Variants in CSTPP1 observed in about 807,000 individuals in gnomAD.
The protein encoded by CSTPP1 is UPF0705 protein C11orf49.
At chr11:47,016,912 G>A in the CSTPP1 span, among the ~76,000 whole-genome samples, 2 of 133,844 alleles carry the variant, frequency 1.5e-5, no homozygotes, top group Non-Finnish European at 3.0e-5. Context: ...GCCCAATCTC[G>A]GCTCACTGCA....
chr11:47,029,466 G>A, the CSTPP1 span, among the ~76,000 whole-genome samples: 92 of 151,942 alleles, frequency 6.1e-4, no homozygotes, highest in African/African-American at 2.1e-3. Context: ...AAAATTAGCC[G>A]GGCATGGTGG....
chr11:47,112,453 CT>C, the CSTPP1 span, among the ~76,000 whole-genome samples: 2 of 152,096 alleles, frequency 1.3e-5, no homozygotes, highest in African/African-American at 4.8e-5. Flanking sequence ...TCCTGAGTAG[CT>C]GGGATTACAG....
chr11:47,100,752 T>C, the CSTPP1 span, among the ~76,000 whole-genome samples: 1 of 152,206 alleles, frequency 6.6e-6, no homozygotes, highest in East Asian at 1.9e-4. Flanking sequence ...ATTGTGCCAC[T>C]GTACTCCAGC....
the CSTPP1 span, chr11:47,137,200 C>T: frequency 8.3e-6 from 9 of 1,085,704 alleles, no homozygotes; most frequent in Middle Eastern, 2.3e-4. Context: ...AGACTGTTTG[C>T]GTTAGTACTG....
At chr11:47,134,941 T>C in the CSTPP1 span, among the ~76,000 whole-genome samples, 24 of 152,012 alleles carry the variant, frequency 1.6e-4, no homozygotes, top group Admixed American at 3.3e-4. Flanking sequence ...AGACCCCGTC[T>C]CTACAAAAAT....
chr11:47,038,004 G>A, the CSTPP1 span, among the ~76,000 whole-genome samples: 15 of 120,004 alleles, frequency 1.2e-4, no homozygotes, highest in Middle Eastern at 5.0e-3. Flanking sequence ...TCCTGGACGG[G>A]GCGGCTGGCC....
At chr11:47,138,979 C>CAAAAAAAAAA in the CSTPP1 span, among the ~76,000 whole-genome samples, 20 of 40,898 alleles carry the variant, frequency 4.9e-4, 1 homozygote, top group African/African-American at 8.9e-4. Context: ...GACTCCGTCT[C>CAAAAAAAAAA]AAAAAAAAAA....
chr11:47,162,396 C>G, the CSTPP1 span: 1 of 306,972 alleles, frequency 3.3e-6, no homozygotes, highest in Non-Finnish European at 4.8e-6. Flanking sequence ...GGCCTAGCTT[C>G]GCACAAGAGC....
chr11:47,038,825 C>A, the CSTPP1 span, among the ~76,000 whole-genome samples: 1 of 115,836 alleles, frequency 8.6e-6, no homozygotes, highest in East Asian at 2.4e-4. Context: ...ACTTCTCAGA[C>A]GGGGCGGTTG....
chr11:47,022,406 G>A, the CSTPP1 span, among the ~76,000 whole-genome samples: 1 of 102,802 alleles, frequency 9.7e-6, no homozygotes, highest in Non-Finnish European at 1.7e-5. Context: ...GTCTTGCCCT[G>A]TCACCCAGAC....
chr11:47,086,827 T>G, the CSTPP1 span, among the ~76,000 whole-genome samples: 1 of 152,172 alleles, frequency 6.6e-6, no homozygotes, highest in South Asian at 2.1e-4. Flanking sequence ...ATGATGGTAA[T>G]GACAATAATA....
the CSTPP1 span, among the ~76,000 whole-genome samples, chr11:46,940,260 C>T: frequency 1.3e-5 from 2 of 152,202 alleles, no homozygotes; most frequent in Non-Finnish European, 2.9e-5. Context: ...ATTTATTTAA[C>T]CAGTCCCGCA....
the CSTPP1 span, among the ~76,000 whole-genome samples, chr11:47,098,918 C>A: frequency 1.3e-5 from 2 of 152,108 alleles, no homozygotes; most frequent in African/African-American, 4.8e-5. Flanking sequence ...AAAGTACCAC[C>A]TGTTACTTAA....
At chr11:47,028,923 T>TC in the CSTPP1 span, among the ~76,000 whole-genome samples, 1 of 151,878 alleles carries the variant, frequency 6.6e-6, no homozygotes, top group Admixed American at 6.6e-5. Context: ...CTGTAACCTC[T>TC]CCCTCCCGGG....
the CSTPP1 span, among the ~76,000 whole-genome samples, chr11:47,110,129 A>G: frequency 2.0e-5 from 3 of 152,096 alleles, no homozygotes. Flanking sequence ...CTCACTTCCT[A>G]AAAGTATTTC....
chr11:47,144,331 G>C, the CSTPP1 span, among the ~76,000 whole-genome samples: 1 of 152,088 alleles, frequency 6.6e-6, no homozygotes, highest in Non-Finnish European at 1.5e-5. Context: ...TAGGATTATA[G>C]ATGCCCGCCA....
At chr11:47,157,020 C>G in the CSTPP1 span, 1 of 1,613,908 alleles carries the variant, frequency 6.2e-7, no homozygotes, top group South Asian at 1.1e-5. Flanking sequence ...CCCACGGTTC[C>G]AGAATTCCTG....
the CSTPP1 span, among the ~76,000 whole-genome samples, chr11:47,066,828 CTTG>C: frequency 6.6e-6 from 1 of 152,094 alleles, no homozygotes; most frequent in African/African-American, 2.4e-5. Flanking sequence ...GGTAATCTTA[CTTG>C]TTGTTATTAA....
the CSTPP1 span, among the ~76,000 whole-genome samples, chr11:47,082,208 G>T: frequency 6.8e-6 from 1 of 147,604 alleles, no homozygotes; most frequent in African/African-American, 2.5e-5. Flanking sequence ...ACCACAGAAA[G>T]ATGTTCTTAC....
Sources: allele counts gnomAD v4.1 joint callset (sites outside exome capture counted in the v4.1 genomes callset), GRCh38; gene constraint gnomAD v4.1.1; transcripts MANE v1.5; gene names NCBI Gene and HGNC (gene_info 2026-07-23, HGNC 2026-07-21).